KIF5C: variants seen among roughly 807,000 people sequenced by gnomAD.
KIF5C encodes kinesin heavy chain isoform 5C.
In KIF5C, 18 loss-of-function variants were observed where a neutral mutation model predicts 125.2. That is an observed-to-expected ratio of 0.14 (90% CI 0.10 to 0.21). KIF5C has a LOEUF of 0.21. Among genes scored for constraint, KIF5C ranks in the 10% least tolerant of loss-of-function variants. The pLI is 1.00. For synonymous variants in KIF5C, 405 were observed against 434.0 expected (o/e 0.93, Z 0.83); for missense variants, 780 against 1,183.8 (o/e 0.66, Z 5.01).
intron 1 of KIF5C, among the ~76,000 whole-genome samples, chr2:148,916,592 G>A (rs1031174918): frequency 7.9e-5 from 12 of 152,018 alleles, no homozygotes; most frequent in African/African-American, 2.4e-4. Context: ...TAACTGCTTG[G>A]TAAGTTTAGT....
intron 25 of KIF5C, 134 bp downstream of exon 25, chr2:149,011,817 G>A (rs749713124): frequency 3.2e-6 from 4 of 1,260,294 alleles, no homozygotes; most frequent in East Asian, 5.1e-5. Flanking sequence ...GGGGGTTCCA[G>A]GTAAACAGAG....
chr2:149,011,468 A>C, intron 24 of KIF5C, 102 bp from the exon 25 acceptor site: 1 of 1,474,174 alleles, frequency 6.8e-7, no homozygotes, highest in Non-Finnish European at 9.1e-7. Flanking sequence ...TGTTGGTAAG[A>C]ATTGTGACTT....
At chr2:149,006,878 G>T (rs1418586963) in intron 22 of KIF5C, among the ~76,000 whole-genome samples, 2 of 152,152 alleles carry the variant, frequency 1.3e-5, no homozygotes, top group African/African-American at 2.4e-5. Flanking sequence ...GGTTCAGTCC[G>T]AGGAAGGAGG....
chr2:148,976,693 G>A (rs1681083352), intron 12 of KIF5C, among the ~76,000 whole-genome samples: 1 of 152,008 alleles, frequency 6.6e-6, no homozygotes, highest in Non-Finnish European at 1.5e-5. Flanking sequence ...ACCTGCCTCA[G>A]CCTCCTGAGT....
chr2:148,880,940 TA>T (rs201207663), intron 1 of KIF5C, among the ~76,000 whole-genome samples: 13 of 138,044 alleles, frequency 9.4e-5, no homozygotes, highest in Non-Finnish European at 9.3e-5. Flanking sequence ...ATTCACTAGC[TA>T]AAAAAAAACC....
chr2:148,899,702 C>CAAAAAAAA (rs771196518), intron 1 of KIF5C, among the ~76,000 whole-genome samples: 9 of 46,042 alleles, frequency 2.0e-4, no homozygotes, highest in Non-Finnish European at 2.8e-4. Flanking sequence ...AACTCCATCT[C>CAAAAAAAA]AAAAAAAAAA....
chr2:149,008,583 G>A (rs949864297), intron 23 of KIF5C, among the ~76,000 whole-genome samples: 6 of 152,168 alleles, frequency 3.9e-5, no homozygotes, highest in African/African-American at 1.2e-4. Context: ...TGCTCTCTCG[G>A]ATGCCTGCGA....
Position 148,929,268 on chromosome 2 carries a change from T to C in KIF5C, c.218-13T>C. 6.6e-7 allele frequency: 1 copy of C among 1,517,824 alleles called. No homozygotes were observed. 94.0% of individuals were successfully genotyped at this position (1,517,824 alleles called of 1,614,324 possible). A position where few individuals can be genotyped will look rare whatever the true frequency, so the allele number is the denominator to read the frequency against. On this transcript the variant is annotated splice_polypyrimidine_tract_variant and intron_variant, in intron 2 of 25. Transcript: ENST00000435030. ...GTAATGAGTTAATTTTAATTTCTTT[T>C]TCTTGTTCACAGATGTCCTTGAAGG...
chr2:149,026,199 T>G lies in KIF5C; in HGVS notation c.*3129T>G, dbSNP rs1162832373. 1 of 152,418 alleles carries G rather than the reference T, an allele frequency of 6.6e-6. No individual in the cohort carries two copies. The highest frequency in any genetic ancestry group is 1.5e-5 in the Non-Finnish European group (1 of 68,032). The allele number at this position is 152,418 out of a possible 1,614,324, so 9.4% of individuals were successfully genotyped here. A position where few individuals can be genotyped will look rare whatever the true frequency, so the allele number is the denominator to read the frequency against. The stretch of plus-strand genomic sequence containing the variant: ...GCAGAGGGTGGAGGGAAGATTTCAC[T>G]TCATTGTCTAGCCCAGAATCTTGAG... On this transcript the variant is annotated 3_prime_UTR_variant, in exon 26 of 26. Coordinates refer to ENST00000435030, the MANE Select transcript of KIF5C (RefSeq NM_004522.3).
intron 17 of KIF5C, among the ~76,000 whole-genome samples, chr2:148,995,300 A>G (rs916618916): frequency 3.9e-5 from 6 of 152,178 alleles, no homozygotes; most frequent in Non-Finnish European, 8.8e-5. Context: ...GGACACTTCT[A>G]ACCCTTCCAT....
chr2:148,925,131 G>T (rs1199739669), intron 2 of KIF5C, among the ~76,000 whole-genome samples: 1 of 152,240 alleles, frequency 6.6e-6, no homozygotes, highest in Non-Finnish European at 1.5e-5. Context: ...TCTCTGAAAG[G>T]TTGGGTCCTG....
chr2:148,930,554 A>G lies in KIF5C; in HGVS notation c.291+1200A>G, dbSNP rs574335736. Reference sequence around the variant, plus strand: ...ATGCCCTCCTGGGAATAGCACTGAGACGGCTGCTGCAGAATCGGTTTAGCT... The same window carrying G: ...ATGCCCTCCTGGGAATAGCACTGAGGCGGCTGCTGCAGAATCGGTTTAGCT... On this transcript the variant is annotated intron_variant, in intron 3 of 25. Coordinates refer to ENST00000435030, the MANE Select transcript of KIF5C (RefSeq NM_004522.3). Among the ~76,000 whole-genome samples the G allele has an allele frequency of 2.0e-5, 3 of 152,234 alleles. No individual in the cohort carries two copies. The South Asian group carries it at 6.2e-4, about 32-fold the overall frequency.
intron 1 of KIF5C, among the ~76,000 whole-genome samples, chr2:148,904,281 C>T (rs1681016333): frequency 6.6e-6 from 1 of 152,164 alleles, no homozygotes; most frequent in African/African-American, 2.4e-5. Context: ...GGAGCACAAG[C>T]GTTAAGAGCA....
At chr2:148,880,047 C>T (rs1276537704) in intron 1 of KIF5C, among the ~76,000 whole-genome samples, 1 of 152,166 alleles carries the variant, frequency 6.6e-6, no homozygotes, top group Non-Finnish European at 1.5e-5. Flanking sequence ...TAAAACTTTT[C>T]TTCTTTCCAC....
rs202090465 is a variant in KIF5C, at chr2:148,980,671, T to TTTGC, written c.1363-681_1363-678dup. Among the ~76,000 whole-genome samples, 1,421 of 145,020 alleles carry TTTGC rather than the reference T, an allele frequency of 9.8e-3. 13 individuals carry two copies. The highest frequency in any genetic ancestry group is 0.013 in the Non-Finnish European group (890 of 66,556). ...TTCCTTGGAAACGACTCTCAGATCCTTTGCTTATTTATTTATTTATTTATT... is the reference window on the plus strand; with the variant it reads ...TTCCTTGGAAACGACTCTCAGATCCTTTGCTTGCTTATTTATTTATTTATTTATT... On this transcript the variant is annotated intron_variant, in intron 13 of 25. Coordinates refer to ENST00000435030, the MANE Select transcript of KIF5C (RefSeq NM_004522.3).
intron 10 of KIF5C, among the ~76,000 whole-genome samples, chr2:148,953,650 T>C (rs888308698): frequency 6.6e-6 from 1 of 152,208 alleles, no homozygotes; most frequent in African/African-American, 2.4e-5. Context: ...TAGGGCAGCA[T>C]GAGGTTCCTC....
intron 17 of KIF5C, among the ~76,000 whole-genome samples, chr2:148,996,298 A>T (rs7583752): frequency 0.041 from 6,236 of 152,288 alleles, 404 homozygotes; most frequent in African/African-American, 0.14. Flanking sequence ...AGTAAATGCA[A>T]TTTGTGTCAG....
In KIF5C at chr2:148,942,685, C is replaced by A. The variant is rs371677451; in HGVS notation, c.514C>A (p.Arg172=). 9 of 1,610,112 alleles carry A rather than the reference C, an allele frequency of 5.6e-6. No individual in the cohort carries two copies. The African/African-American group carries it at 1.2e-4, about 22-fold the overall frequency. The change falls in exon 7 of 26, where the codon CGG becomes AGG. Residue 172 remains arginine, a synonymous_variant. Coordinates refer to ENST00000435030, the MANE Select transcript of KIF5C (RefSeq NM_004522.3). The part of the protein sequence containing the change: ...RVPYVKGCTE[R]FVSSPEEVMD... ...GATTCTCTTCCAGGGGTGCACTGAG[C>A]GGTTTGTGTCGAGCCCTGAGGAAGT...
chr2:148,925,370 A>C (rs1312565874), intron 2 of KIF5C, among the ~76,000 whole-genome samples: 1 of 152,210 alleles, frequency 6.6e-6, no homozygotes, highest in Admixed American at 6.5e-5. Context: ...TGACATTATC[A>C]GATCTGTTTT....
Sources: allele counts gnomAD v4.1 joint callset (sites outside exome capture counted in the v4.1 genomes callset), GRCh38; gene constraint gnomAD v4.1.1; transcripts MANE v1.5; gene names NCBI Gene and HGNC (gene_info 2026-07-23, HGNC 2026-07-21).